The following GRIA4 variants were observed in gnomAD, a reference collection of about 807,000 sequenced individuals.
GRIA4 encodes the protein glutamate receptor 4.
In GRIA4, 34 loss-of-function variants were observed where a neutral mutation model predicts 104.0. The ratio of observed to expected loss-of-function variants is 0.33; its 90% CI spans 0.25 to 0.44. The LOEUF is 0.44. Ranked by LOEUF, GRIA4 falls within the 20% of genes least tolerant of loss-of-function variation. The pLI, the probability that GRIA4 is intolerant of heterozygous loss-of-function variation, is 1.00. For missense variants in GRIA4, 750 were observed against 1,096.5 expected, an observed-to-expected ratio of 0.68 and a Z score of 4.46; for synonymous variants, 386 against 381.9, an observed-to-expected ratio of 1.01 and a Z score of -0.13.
chr11:105,640,130 A>C (rs1951318303), intron 3 of GRIA4, among the ~76,000 whole-genome samples: 2 of 152,082 alleles, frequency 1.3e-5, no homozygotes, highest in African/African-American at 4.8e-5. Flanking sequence ...TTCATTTCTG[A>C]CAAATGATCT....
chr11:105,753,301 A>T, intron 4 of GRIA4, 81 bp downstream of exon 4: 2 of 1,265,072 alleles, frequency 1.6e-6, no homozygotes, highest in Non-Finnish European at 2.3e-6. Flanking sequence ...GGTTTTTAGC[A>T]AATTGTTTGA....
intron 3 of GRIA4, among the ~76,000 whole-genome samples, chr11:105,629,078 C>CAAAAAAAA (rs33935142): frequency 7.6e-6 from 1 of 132,094 alleles, no homozygotes; most frequent in Admixed American, 7.8e-5. Context: ...ACTTCTCCAC[C>CAAAAAAAA]AAAAAAAAAA....
chr11:105,727,622 G>A (rs542285497), intron 3 of GRIA4, among the ~76,000 whole-genome samples: 12 of 152,254 alleles, frequency 7.9e-5, no homozygotes, highest in African/African-American at 2.9e-4. Context: ...AGGGCAGCCA[G>A]AGAGATAAAG....
At chr11:105,783,357 C>T (rs950047603) in intron 4 of GRIA4, among the ~76,000 whole-genome samples, 1 of 152,224 alleles carries the variant, frequency 6.6e-6, no homozygotes, top group Admixed American at 6.5e-5. Context: ...CACAAAGTCA[C>T]ATAATCTCAT....
intron 4 of GRIA4, among the ~76,000 whole-genome samples, chr11:105,768,027 T>TA (rs1194762774): frequency 2.6e-5 from 4 of 151,922 alleles, no homozygotes; most frequent in East Asian, 1.9e-4. Flanking sequence ...CTGAAAGGAT[T>TA]AAAAAAAAGA....
chr11:105,808,484 A>G (rs574977633), intron 4 of GRIA4, among the ~76,000 whole-genome samples: 16 of 152,116 alleles, frequency 1.1e-4, no homozygotes, highest in African/African-American at 3.4e-4. Flanking sequence ...ATTCTTTTTT[A>G]TTATTGTGGC....
intron 11 of GRIA4, among the ~76,000 whole-genome samples, chr11:105,919,138 A>C (rs1435175065): frequency 3.3e-5 from 5 of 152,144 alleles, no homozygotes; most frequent in Non-Finnish European, 7.4e-5. Flanking sequence ...AAAGAAGATA[A>C]AAATTCAGAA....
intron 4 of GRIA4, among the ~76,000 whole-genome samples, chr11:105,791,318 T>G (rs981934647): frequency 6.6e-6 from 1 of 152,128 alleles, no homozygotes; most frequent in African/African-American, 2.4e-5. Context: ...GCATTTATAT[T>G]CATATCAATA....
chr11:105,974,702 T>G, intron 16 of GRIA4: 1 of 712,114 alleles, frequency 1.4e-6, no homozygotes, highest in East Asian at 2.8e-5. Flanking sequence ...TTCGGTTTTC[T>G]TTGGCTGCAG....
chr11:105,796,690 C>G (rs538727771), intron 4 of GRIA4, among the ~76,000 whole-genome samples: 7 of 152,038 alleles, frequency 4.6e-5, no homozygotes. Context: ...GAAAAGTTAT[C>G]GTTTTGCTAG....
intron 3 of GRIA4, among the ~76,000 whole-genome samples, chr11:105,741,138 A>C (rs1939278357): frequency 6.6e-6 from 1 of 152,214 alleles, no homozygotes; most frequent in Admixed American, 6.5e-5. Flanking sequence ...TAAATGATCA[A>C]GATTTTCTCA....
intron 14 of GRIA4, among the ~76,000 whole-genome samples, chr11:105,956,707 A>T (rs1349250633): frequency 6.6e-6 from 1 of 152,216 alleles, no homozygotes; most frequent in Non-Finnish European, 1.5e-5. Context: ...TGGTTGAACT[A>T]GTTTACAGTC....
intron 3 of GRIA4, among the ~76,000 whole-genome samples, chr11:105,667,642 A>G (rs1438986676): frequency 2.6e-5 from 4 of 151,994 alleles, no homozygotes; most frequent in Non-Finnish European, 5.9e-5. Context: ...TTGATCAGCA[A>G]TTTGTGTCCC....
intron 3 of GRIA4, among the ~76,000 whole-genome samples, chr11:105,718,001 G>T (rs557983762): frequency 1.3e-5 from 2 of 151,502 alleles, no homozygotes; most frequent in Non-Finnish European, 2.9e-5. Context: ...ACCAAACACC[G>T]CATATTCTCA....
At chr11:105,627,034 T>C (rs1055209269) in intron 3 of GRIA4, among the ~76,000 whole-genome samples, 3 of 152,292 alleles carry the variant, frequency 2.0e-5, no homozygotes, top group African/African-American at 4.8e-5. Context: ...AGTAAATGAA[T>C]GATACAGGAA....
intron 5 of GRIA4, among the ~76,000 whole-genome samples, chr11:105,872,217 A>G (rs753959309): frequency 3.3e-5 from 5 of 152,156 alleles, no homozygotes; most frequent in Non-Finnish European, 7.4e-5. Flanking sequence ...CCACTTCTTT[A>G]TAATTTATTT....
intron 3 of GRIA4, among the ~76,000 whole-genome samples, chr11:105,617,858 G>A (rs564293769): frequency 1.3e-5 from 2 of 152,118 alleles, no homozygotes; most frequent in East Asian, 3.9e-4. Context: ...AGTGATTACG[G>A]TAATGATTAC....
chr11:105,763,476 G>C (rs1294935797), intron 4 of GRIA4, among the ~76,000 whole-genome samples: 1 of 152,114 alleles, frequency 6.6e-6, no homozygotes, highest in Non-Finnish European at 1.5e-5. Flanking sequence ...AGGATCGATT[G>C]AACTGATGAC....
At chr11:105,647,321 G>A (rs1240342588) in intron 3 of GRIA4, among the ~76,000 whole-genome samples, 15 of 152,054 alleles carry the variant, frequency 9.9e-5, no homozygotes, top group Admixed American at 7.9e-4. Flanking sequence ...GGGAGAAAAC[G>A]GAACACGTAT....
Sources: gnomAD v4.1 joint callset for allele counts (sites outside exome capture counted in the v4.1 genomes callset) on GRCh38, gnomAD v4.1.1 for gene constraint, MANE v1.5 for transcripts, NCBI Gene and HGNC (gene_info 2026-07-23, HGNC 2026-07-21) for gene names.